The following ERBB3 variants were observed in gnomAD, a reference collection of about 807,000 sequenced individuals.
ERBB3 encodes receptor tyrosine-protein kinase erbB-3.
A neutral mutation model predicts 156.7 loss-of-function variants in ERBB3; 96 were observed. The ratio of observed to expected loss-of-function variants is 0.61; its 90% CI spans 0.52 to 0.73. The LOEUF (loss-of-function observed/expected upper bound fraction) is 0.73, where lower values mean the gene tolerates loss of function less well. Among genes scored for constraint, ERBB3 ranks in the 30% least tolerant of loss-of-function variants. The pLI is 0.00. For missense variants in ERBB3, 1,406 were observed against 1,709.4 expected, an observed-to-expected ratio of 0.82 and a Z score of 3.13; for synonymous variants, 567 against 632.0, an observed-to-expected ratio of 0.90 and a Z score of 1.54.
At chr12:56,100,363 CG>C in intron 26 of ERBB3, 118 bp downstream of exon 26, 1 of 880,754 alleles carries the variant, frequency 1.1e-6, no homozygotes. Context: ...CAGTGAGGGC[CG>C]GGCGAGTTGG....
At chr12:56,100,334 T>C (rs988996102) in intron 26 of ERBB3, 89 bp downstream of exon 26, 2 of 1,132,532 alleles carry the variant, frequency 1.8e-6, no homozygotes, top group Admixed American at 3.4e-5. Context: ...GTTTAATCAG[T>C]GTCCTGCAAA....
chr12:56,103,378 G>C lies in ERBB3; in HGVS notation c.*1323G>C, dbSNP rs1869190160. 2 of 218,494 alleles carry C rather than the reference G, an allele frequency of 9.2e-6. No individual in the cohort carries two copies. 13.5% of individuals were successfully genotyped at this position (218,494 alleles called of 1,614,324 possible). A position where few individuals can be genotyped will look rare whatever the true frequency, so the allele number is the denominator to read the frequency against. On this transcript the variant is annotated 3_prime_UTR_variant, in exon 28 of 28. Coordinates refer to ENST00000267101, the MANE Select transcript of ERBB3 (RefSeq NM_001982.4). ...AAGCTTCCAGGTAGGACAGAAAAAA[G>C]ATCCAGCTTCAGCTGCACACCTCTG...
Position 56,101,874 on chromosome 12 carries a change from C to G in ERBB3, c.3848C>G (p.Pro1283Arg), listed in dbSNP as rs1387072721. The part of the protein sequence containing the change: ...GGDYAAMGAC[P>R]ASEQGYEEMR... ...GATTATGCAGCCATGGGGGCCTGCC[C>G]AGCATCTGAGCAAGGGTATGAAGAG... The change falls in exon 28 of 28, where the codon CCA becomes CGA. Residue 1283 changes from proline (P) to arginine (R), a missense_variant. Physicochemically the swap from Pro to Arg is moderately radical, Grantham distance 103. This residue lies in a region of ERBB3 where 415 missense variants were observed against 454.1 expected (regional missense o/e 0.91). Transcript: ENST00000267101. The G allele has an allele frequency of 1.7e-5, 27 of 1,613,362 alleles. No individual in the cohort carries two copies. Among genetic ancestry groups the G allele is most frequent in the Non-Finnish European group, 2.3e-5 (27 of 1,179,892 alleles).
intron 13 of ERBB3, 96 bp from the exon 14 acceptor site, chr12:56,094,003 T>C (rs1868807114): frequency 5.1e-6 from 8 of 1,568,626 alleles, no homozygotes; most frequent in Non-Finnish European, 7.0e-6. Context: ...GCATGTGCCT[T>C]GGTGGGATTG....
intron 1 of ERBB3, among the ~76,000 whole-genome samples, chr12:56,081,691 T>A (rs1228564341): frequency 1.3e-5 from 2 of 151,878 alleles, no homozygotes; most frequent in Admixed American, 1.3e-4. Flanking sequence ...CATGGTTGGG[T>A]CTCTTTACCC....
chr12:56,089,672 G>C (rs1215175460), intron 9 of ERBB3, among the ~76,000 whole-genome samples: 2 of 151,644 alleles, frequency 1.3e-5, no homozygotes, highest in Admixed American at 1.3e-4. Flanking sequence ...TTGAACCCAG[G>C]AGGCGGAAAT....
Position 56,095,985 on chromosome 12 carries a change from C to T in ERBB3, c.2055+179C>T, listed in dbSNP as rs1294902892. On this transcript the variant is annotated intron_variant, in intron 17 of 27. Transcript: ENST00000267101. ...TTTCTTCAAGGAAGTAGTGTGGTCC[C>T]CTAGAAGAACACTGGTCAGAGAAAT... The T allele has an allele frequency of 4.5e-5, 31 of 688,042 alleles. No individual in the cohort carries two copies. The South Asian group carries it at 4.9e-4, about 11-fold the overall frequency. 42.6% of individuals were successfully genotyped at this position (688,042 alleles called of 1,614,324 possible).
chr12:56,102,601 A>C lies in ERBB3; in HGVS notation c.*546A>C. On this transcript the variant is annotated 3_prime_UTR_variant, in exon 28 of 28. Coordinates refer to ENST00000267101, the MANE Select transcript of ERBB3 (RefSeq NM_001982.4). ...AACTATGAGCCAGGCATCATACTAAACTTCACCTACATTATCTCACTTAGT... is the reference window on the plus strand; with the variant it reads ...AACTATGAGCCAGGCATCATACTAACCTTCACCTACATTATCTCACTTAGT... The C allele has an allele frequency of 4.3e-6, 1 of 235,056 alleles. No homozygotes were observed. Among genetic ancestry groups the C allele is most frequent in the Non-Finnish European group, 8.4e-6 (1 of 119,254 alleles). 14.6% of individuals were successfully genotyped at this position (235,056 alleles called of 1,614,324 possible).
chr12:56,090,518 C>A (rs1294617067), intron 9 of ERBB3, among the ~76,000 whole-genome samples: 3 of 152,048 alleles, frequency 2.0e-5, no homozygotes, highest in Admixed American at 2.0e-4. Flanking sequence ...GTGGTGTGCG[C>A]CTGTAGTCCC....
Position 56,094,432 on chromosome 12 carries a change from T to G in ERBB3, c.1735T>G (p.Phe579Val), listed in dbSNP as rs1390370073. 6.2e-7 allele frequency: 1 copy of G among 1,614,128 alleles called. No individual in the cohort carries two copies. The highest frequency in any genetic ancestry group is 8.5e-7 in the Non-Finnish European group (1 of 1,180,018). Residue 579 changes from phenylalanine to valine, a missense_variant, in exon 15 of 28, where the codon TTT becomes GTT. Around this residue, in one of 3 missense-constraint regions of ERBB3, gnomAD observed 979 missense variants for 1,219.6 expected, o/e 0.80. Coordinates refer to ENST00000267101, the MANE Select transcript of ERBB3 (RefSeq NM_001982.4). ...GSDTCAQCAH[F>V]RDGPHCVSSC... is the part of the protein sequence containing the mutation. ...TGATACTTGTGCTCAATGTGCCCATTTTCGAGATGGGCCCCACTGTGTGAG... is the reference window on the plus strand; with the variant it reads ...TGATACTTGTGCTCAATGTGCCCATGTTCGAGATGGGCCCCACTGTGTGAG...
At chr12:56,081,755 AG>A (rs1172116231) in intron 1 of ERBB3, among the ~76,000 whole-genome samples, 1 of 151,634 alleles carries the variant, frequency 6.6e-6, no homozygotes, top group Non-Finnish European at 1.5e-5. Flanking sequence ...GTCCTTCTAT[AG>A]CCCCTTTGTC....
intron 6 of ERBB3, 50 bp downstream of exon 6, chr12:56,087,963 G>A (rs2136794660): frequency 1.2e-6 from 2 of 1,613,820 alleles, no homozygotes; most frequent in Non-Finnish European, 1.7e-6. Flanking sequence ...TGTGGCCTTT[G>A]AGGAGGAGGT....
rs754618467 is a variant in ERBB3 at position 56,093,549 on chromosome 12, C to T, written c.1479C>T (p.Cys493=). The T allele has an allele frequency of 8.1e-6, 13 of 1,609,668 alleles. No homozygotes were observed. Among genetic ancestry groups the T allele is most frequent in the East Asian group, 2.2e-5 (1 of 44,850 alleles). ...AGCATAATCGGCCGCGCAGAGACTG[C>T]GGTGAGGGAAAGGGTCTGCTAGGTG... ...DIKHNRPRRD[C]VAEGKVCDPL... is the part of the protein sequence containing the mutation. Residue 493 remains cysteine (C), a splice_region_variant and synonymous_variant, in exon 12 of 28, where the codon TGC becomes TGT. Coordinates refer to ENST00000267101, the MANE Select transcript of ERBB3 (RefSeq NM_001982.4).
In ERBB3 at chr12:56,103,242, T is replaced by C. The variant is rs1032464161; in HGVS notation, c.*1187T>C. The C allele has an allele frequency of 7.5e-5, 17 of 227,650 alleles. No homozygotes were observed. The highest frequency in any genetic ancestry group is 3.8e-4 in the African/African-American group (17 of 44,952). The allele number at this position is 227,650 out of a possible 1,614,324, so 14.1% of individuals were successfully genotyped here. A position where few individuals can be genotyped will look rare whatever the true frequency, so the allele number is the denominator to read the frequency against. ...AAGGAAAAATAACTGGACATCTTTG[T>C]GTAAACCATAATCCACATGTGCCGT... is the stretch of plus-strand genomic sequence containing the variant. On this transcript the variant is annotated 3_prime_UTR_variant, in exon 28 of 28. Transcript: ENST00000267101.
At chr12:56,089,768 A>T (rs1868609762) in intron 9 of ERBB3, among the ~76,000 whole-genome samples, 1 of 151,904 alleles carries the variant, frequency 6.6e-6, no homozygotes, top group Non-Finnish European at 1.5e-5. Flanking sequence ...AAAGAAAAGA[A>T]AATTCTGTCT....
upstream of ERBB3, chr12:56,080,116 A>G (rs1007709635): frequency 1.7e-5 from 11 of 642,150 alleles, no homozygotes; most frequent in African/African-American, 3.6e-5. Flanking sequence ...TCACACACAC[A>G]CACCCCTCCC....
At chr12:56,086,404 A>T (rs1312866697) in intron 3 of ERBB3, 127 bp from the exon 4 acceptor site, 15 of 1,150,896 alleles carry the variant, frequency 1.3e-5, no homozygotes, top group Non-Finnish European at 1.7e-5. Context: ...CTTAGATTTA[A>T]TTGGACCTAT....
At position 56,101,366 on chromosome 12, in the gene ERBB3, C is replaced by T; in HGVS notation, c.3502+5C>T. 1 of 1,613,514 alleles carries T rather than the reference C, an allele frequency of 6.2e-7. No individual in the cohort carries two copies. The highest frequency in any genetic ancestry group is 8.5e-7 in the Non-Finnish European group (1 of 1,179,760). On this transcript the variant is annotated splice_donor_5th_base_variant and intron_variant, in intron 27 of 27. Transcript: ENST00000267101. The stretch of plus-strand genomic sequence containing the variant: ...TGCCAGATACACACCTCAAAGGTGC[C>T]TGACTCTTCCTAGGGCTTTCCTCAA...
rs536345070 is a variant in ERBB3, at chr12:56,098,143, G to A, written c.2616+203G>A. The A allele has an allele frequency of 4.0e-5, 24 of 606,660 alleles. No homozygotes were observed. In the East Asian group the frequency reaches 4.6e-4, roughly 12 times the overall value. The allele number at this position is 606,660 out of a possible 1,614,324, so 37.6% of individuals were successfully genotyped here. A position where few individuals can be genotyped will look rare whatever the true frequency, so the allele number is the denominator to read the frequency against. ...GGACTGGCCGGGCGCGGTGGCTCAC[G>A]CCTGTAATCCCAACACTTCGGGAGG... On this transcript the variant is annotated intron_variant, in intron 21 of 27. Coordinates refer to ENST00000267101, the MANE Select transcript of ERBB3 (RefSeq NM_001982.4).
Sources: allele counts gnomAD v4.1 joint callset (sites outside exome capture counted in the v4.1 genomes callset), GRCh38; gene constraint gnomAD v4.1.1; regional missense constraint gnomAD v4.1.1; transcripts MANE v1.5; gene names NCBI Gene and HGNC (gene_info 2026-07-23, HGNC 2026-07-21).